Variants in IL1RAPL1 observed in about 807,000 individuals in gnomAD.
The protein encoded by IL1RAPL1 is interleukin-1 receptor accessory protein-like 1.
IL1RAPL1 carries 3 observed loss-of-function variants against 48.4 expected under a neutral mutation model. The observed-to-expected ratio is 0.06, with a 90% CI of 0.03 to 0.16. The LOEUF is 0.16. IL1RAPL1 is among the 10% of genes least tolerant of loss of function. The pLI, the probability that IL1RAPL1 is intolerant of heterozygous loss-of-function variation, is 1.00. For missense variants in IL1RAPL1, 349 were observed against 530.6 expected (o/e 0.66, Z 3.36); for synonymous variants, 185 against 187.7 (o/e 0.99, Z 0.12).
intron 5 of IL1RAPL1, among the ~76,000 whole-genome samples, chrX:29,667,671 T>G (rs1479118793): frequency 9.0e-6 from 1 of 111,681 alleles, no homozygotes; most frequent in Admixed American, 9.6e-5. Flanking sequence ...AAACCTATCT[T>G]CAAGATTTCT....
intron 2 of IL1RAPL1, among the ~76,000 whole-genome samples, chrX:29,243,589 G>T (rs1029861020): frequency 3.6e-5 from 4 of 112,041 alleles, no homozygotes; most frequent in African/African-American, 1.3e-4. Flanking sequence ...TACATTCTTA[G>T]AACAGATGGA....
chrX:28,766,463 G>T (rs1054951880), intron 1 of IL1RAPL1, among the ~76,000 whole-genome samples: 5 of 111,085 alleles, frequency 4.5e-5, no homozygotes, highest in Non-Finnish European at 1.9e-5. Flanking sequence ...TTCTGATACA[G>T]ACATGCAATG....
intron 6 of IL1RAPL1, among the ~76,000 whole-genome samples, chrX:29,882,160 C>A (rs920696391): frequency 8.1e-5 from 9 of 111,639 alleles, no homozygotes; most frequent in Non-Finnish European, 1.5e-4. Context: ...GTATTCACCA[C>A]CTTTATTTGA....
chrX:29,161,287 A>G (rs747381823), intron 2 of IL1RAPL1, among the ~76,000 whole-genome samples: 1 of 111,863 alleles, frequency 8.9e-6, no homozygotes, highest in Admixed American at 9.5e-5. Flanking sequence ...TCTGAACTAT[A>G]GTAAGAAATG....
intron 2 of IL1RAPL1, among the ~76,000 whole-genome samples, chrX:29,178,509 A>G (rs771065433): frequency 9.8e-5 from 11 of 111,784 alleles, no homozygotes; most frequent in Non-Finnish European, 1.9e-4. Flanking sequence ...TTTGTCAGAT[A>G]GGTAGATTAC....
intron 2 of IL1RAPL1, among the ~76,000 whole-genome samples, chrX:28,976,913 A>C (rs983296080): frequency 8.9e-6 from 1 of 112,496 alleles, no homozygotes; most frequent in African/African-American, 3.2e-5. Flanking sequence ...CTCTGTTGGA[A>C]GAATACAACT....
intron 3 of IL1RAPL1, among the ~76,000 whole-genome samples, chrX:29,381,295 C>T (rs760999767): frequency 1.5e-4 from 16 of 107,101 alleles, no homozygotes; most frequent in Middle Eastern, 4.8e-3. Context: ...TTGGAATTGA[C>T]ATAAGCTTTC....
chrX:29,379,130 G>A (rs928619303), intron 3 of IL1RAPL1, among the ~76,000 whole-genome samples: 5 of 112,470 alleles, frequency 4.4e-5, no homozygotes, highest in Non-Finnish European at 9.4e-5. Context: ...TCCTCTAGAC[G>A]TTCAGGGTTG....
chrX:29,402,159 T>G (rs2147690763), intron 5 of IL1RAPL1, among the ~76,000 whole-genome samples: 1 of 111,803 alleles, frequency 8.9e-6, no homozygotes, highest in East Asian at 2.8e-4. Context: ...ATTAAAGATG[T>G]TACGGCACCA....
At chrX:29,910,709 C>G (rs185645043) in intron 6 of IL1RAPL1, among the ~76,000 whole-genome samples, 102 of 111,325 alleles carry the variant, frequency 9.2e-4, no homozygotes, top group African/African-American at 3.0e-3. Flanking sequence ...CAATGAGAAG[C>G]CTTTTTATCT....
chrX:28,649,407 A>G (rs1934658132), intron 1 of IL1RAPL1, among the ~76,000 whole-genome samples: 1 of 112,357 alleles, frequency 8.9e-6, no homozygotes, highest in Admixed American at 9.4e-5. Flanking sequence ...AAAATGAAGA[A>G]CAGAAGAATA....
At chrX:29,621,176 A>C (rs1330467046) in intron 5 of IL1RAPL1, among the ~76,000 whole-genome samples, 2 of 111,979 alleles carry the variant, frequency 1.8e-5, no homozygotes, top group East Asian at 5.6e-4. Flanking sequence ...AAAGATTGGT[A>C]TATAACAATA....
chrX:28,669,035 C>G (rs968898017), intron 1 of IL1RAPL1, among the ~76,000 whole-genome samples: 2 of 111,238 alleles, frequency 1.8e-5, no homozygotes, highest in African/African-American at 6.5e-5. Context: ...AGGAAAATTG[C>G]CCTCATCTGA....
intron 1 of IL1RAPL1, chrX:28,659,146 G>A: frequency 1.5e-6 from 1 of 665,278 alleles, no homozygotes; most frequent in Non-Finnish European, 2.4e-6. Flanking sequence ...TAGCACACAG[G>A]TTGGTGTCTT....
At chrX:29,438,719 T>C (rs557521963) in intron 5 of IL1RAPL1, among the ~76,000 whole-genome samples, 99 of 111,607 alleles carry the variant, frequency 8.9e-4, no homozygotes, top group African/African-American at 2.8e-3. Flanking sequence ...GTAGCTTTAC[T>C]CCATTGTGGC....
chrX:29,321,432 T>C (rs763553149), intron 3 of IL1RAPL1, among the ~76,000 whole-genome samples: 1 of 112,166 alleles, frequency 8.9e-6, no homozygotes, highest in East Asian at 2.8e-4. Context: ...AACCCTTTAG[T>C]ATAAATAATG....
At chrX:28,630,108 A>G (rs1934382956) in intron 1 of IL1RAPL1, among the ~76,000 whole-genome samples, 1 of 111,589 alleles carries the variant, frequency 9.0e-6, no homozygotes, top group Non-Finnish European at 1.9e-5. Flanking sequence ...GAGAAAAGCC[A>G]TAAAGATAGG....
intron 3 of IL1RAPL1, among the ~76,000 whole-genome samples, chrX:29,378,198 A>G (rs182525197): frequency 3.6e-4 from 40 of 111,451 alleles, no homozygotes; most frequent in African/African-American, 1.2e-3. Context: ...AAATTCTTCT[A>G]GTAATTTTTC....
intron 5 of IL1RAPL1, among the ~76,000 whole-genome samples, chrX:29,540,250 G>A (rs1167066011): frequency 1.9e-5 from 2 of 102,938 alleles, no homozygotes; most frequent in Non-Finnish European, 3.9e-5. Context: ...AAGGAGAACT[G>A]TAAAATATTG....
Sources: gnomAD v4.1 joint callset for allele counts (sites outside exome capture counted in the v4.1 genomes callset) on GRCh38, gnomAD v4.1.1 for gene constraint, MANE v1.5 for transcripts, NCBI Gene and HGNC (gene_info 2026-07-23, HGNC 2026-07-21) for gene names.